SKOR2: variants seen among roughly 807,000 people sequenced by gnomAD.
SKOR2 encodes LBX1 corepressor 1-like protein.
Under a neutral mutation model 69.1 loss-of-function variants are expected in SKOR2, and 47 were observed. That is an observed-to-expected ratio of 0.68 (90% confidence interval 0.54 to 0.87). SKOR2 has a LOEUF of 0.87. SKOR2 is among the 40% of genes least tolerant of loss of function. The pLI, the probability that SKOR2 is intolerant of heterozygous loss-of-function variation, is 0.00. For synonymous variants in SKOR2, 717 were observed against 672.6 expected (o/e 1.07, Z -1.02); for missense variants, 1,404 against 1,472.2 (o/e 0.95, Z 0.76).
At chr18:47,231,911 C>T (rs566042583) in intron 4 of SKOR2, among the ~76,000 whole-genome samples, 27 of 150,436 alleles carry the variant, frequency 1.8e-4, no homozygotes, top group East Asian at 3.9e-4. Context: ...GAGGCTGAGG[C>T]GGGAGGATTG....
chr18:47,212,784 G>A (rs2064131658), intron 7 of SKOR2, among the ~76,000 whole-genome samples: 1 of 152,018 alleles, frequency 6.6e-6, no homozygotes. Context: ...ACCAGCTTGG[G>A]CAACATAGGA....
intron 7 of SKOR2, among the ~76,000 whole-genome samples, chr18:47,215,409 T>C (rs1409465133): frequency 6.6e-6 from 1 of 152,154 alleles, no homozygotes; most frequent in East Asian, 1.9e-4. Flanking sequence ...CTCTGTAGGT[T>C]ATACAGTAGA....
chr18:47,238,320 CTTTTTTTTTTT>C (rs772229985), intron 4 of SKOR2, among the ~76,000 whole-genome samples: 1 of 108,068 alleles, frequency 9.3e-6, no homozygotes, highest in Admixed American at 1.0e-4. Context: ...CTTTTCTTTT[CTTTTTTTTTTT>C]TTTTTTTTTG....
At chr18:47,224,866 T>C (rs537512767) in intron 6 of SKOR2, among the ~76,000 whole-genome samples, 2 of 152,230 alleles carry the variant, frequency 1.3e-5, no homozygotes, top group African/African-American at 4.8e-5. Flanking sequence ...GCAATCCTCC[T>C]GCCTCGACTT....
chr18:47,241,994 T>C (rs760038662), intron 4 of SKOR2, among the ~76,000 whole-genome samples: 3 of 152,200 alleles, frequency 2.0e-5, no homozygotes, highest in Non-Finnish European at 4.4e-5. Flanking sequence ...CTCCAGGCAC[T>C]GTGGAATTTT....
At chr18:47,227,326 AT>A (rs778462203) in intron 6 of SKOR2, among the ~76,000 whole-genome samples, 2,419 of 91,044 alleles carry the variant, frequency 0.027, 16 homozygotes, top group African/African-American at 0.11. Flanking sequence ...CAAGAAGCCA[AT>A]TTTTTTTTTT....
chr18:47,247,646 A>G lies in SKOR2; in HGVS notation c.1538T>C (p.Leu513Pro), dbSNP rs1249852737. 5 of 1,353,150 alleles carry G rather than the reference A, an allele frequency of 3.7e-6. No individual in the cohort carries two copies. The highest frequency in any genetic ancestry group is 2.8e-6 in the Non-Finnish European group (3 of 1,055,802). The allele number at this position is 1,353,150 out of a possible 1,614,324, so 83.8% of individuals were successfully genotyped here. Residue 513 changes from leucine (L) to proline (P), a missense_variant, in exon 2 of 9, where the codon CTG becomes CCG. Transcript: ENST00000425639. This position sits in a 1 kb window ranked among gnomAD's most constrained non-coding sequence, Gnocchi z 6.6. ...CCCAGCAGCACCGCCTGGCTCAGCC[A>G]GGTCCAGGAAGGCCTGGCGCAGCAG... Reference protein sequence around the residue: ...PALLRQAFLDLAEPGGAAGSA... With the variant: ...PALLRQAFLDPAEPGGAAGSA...
Position 47,247,755 on chromosome 18 carries a change from C to A in SKOR2, c.1429G>T (p.Gly477Cys). 7.3e-7 allele frequency: 1 copy of A among 1,377,014 alleles called. No homozygotes were observed. The highest frequency in any genetic ancestry group is 9.3e-7 in the Non-Finnish European group (1 of 1,075,770). The allele number at this position is 1,377,014 out of a possible 1,614,324, so 85.3% of individuals were successfully genotyped here. ...AGGTAGGTGGGCACCGGGAGCCCGC[C>A]AGGGGTCCGCGGCGGCCAGAACATG... ...FCMFWPPRTP[G>C]GLPVPTYLQP... Residue 477 changes from glycine to cysteine, a missense_variant, in exon 2 of 9, where the codon GGC becomes TGC. This residue lies in a region of SKOR2 where 1,266 missense variants were observed against 1,309.9 expected (regional missense o/e 0.97). Transcript: ENST00000425639. The surrounding 1 kb of genome is among the most constrained non-coding windows in gnomAD (Gnocchi z 6.6).
chr18:47,219,764 CTG>C (rs2064155407), intron 7 of SKOR2, among the ~76,000 whole-genome samples, 177 bp downstream of exon 7: 1 of 152,178 alleles, frequency 6.6e-6, no homozygotes, highest in Non-Finnish European at 1.5e-5. Context: ...AGGAAACATA[CTG>C]CCACATCTGT....
chr18:47,249,942 A>G (rs1199918426), intron 1 of SKOR2, among the ~76,000 whole-genome samples: 1 of 152,236 alleles, frequency 6.6e-6, no homozygotes, highest in African/African-American at 2.4e-5. Context: ...TGCTGAACTG[A>G]GTGGTTCTGG....
At chr18:47,244,076 G>A (rs2064260384) in intron 4 of SKOR2, among the ~76,000 whole-genome samples, 1 of 152,142 alleles carries the variant, frequency 6.6e-6, no homozygotes, top group African/African-American at 2.4e-5. Context: ...GTTTCCTTAT[G>A]AGAAAATAAA....
Position 47,247,364 on chromosome 18 carries a change from A to C in SKOR2, c.1820T>G (p.Leu607Arg). 1 of 1,456,328 alleles carries C rather than the reference A, an allele frequency of 6.9e-7. No homozygotes were observed. Among genetic ancestry groups the C allele is most frequent in the Non-Finnish European group, 9.0e-7 (1 of 1,108,986 alleles). The allele number at this position is 1,456,328 out of a possible 1,614,324, so 90.2% of individuals were successfully genotyped here. Residue 607 changes from leucine (L) to arginine (R), a missense_variant, in exon 2 of 9, where the codon CTT becomes CGT. Leu to Arg is a moderately radical substitution (Grantham distance 102). Transcript: ENST00000425639. This position sits in a 1 kb window ranked among gnomAD's most constrained non-coding sequence, Gnocchi z 6.6. ...SRVPAPHHPH[L>R]LEGRKAGGGS... ...ACCGCCCGCTTTGCGCCCCTCCAGA[A>C]GGTGCGGATGGTGGGGCGCCGGAAC...
Position 47,248,932 on chromosome 18 carries a change from G to T in SKOR2, c.252C>A (p.Arg84=). ...NFSYNEIHNR[R]VALGITCVQC... is the part of the protein sequence containing the mutation. Reference sequence around the variant, plus strand: ...GCACACACGTGATGCCCAGTGCCACGCGACGGTTGTGGATCTCGTTGTAGC... The same window carrying T: ...GCACACACGTGATGCCCAGTGCCACTCGACGGTTGTGGATCTCGTTGTAGC... The change falls in exon 2 of 9, where the codon CGC becomes CGA. Residue 84 remains arginine (R), a synonymous_variant. Coordinates refer to ENST00000425639, the MANE Select transcript of SKOR2 (RefSeq NM_001278063.4). This position sits in a 1 kb window ranked among gnomAD's most constrained non-coding sequence, Gnocchi z 6.4. The T allele has an allele frequency of 1.3e-6, 2 of 1,575,634 alleles. No homozygotes were observed. Among genetic ancestry groups the T allele is most frequent in the Non-Finnish European group, 1.7e-6 (2 of 1,168,118 alleles).
At position 47,246,622 on chromosome 18, in the gene SKOR2, C is replaced by T. The variant is rs889064749; in HGVS notation, c.2562G>A (p.Pro854=). 22 of 1,514,970 alleles carry T rather than the reference C, an allele frequency of 1.5e-5. No homozygotes were observed. Among genetic ancestry groups the T allele is most frequent in the Non-Finnish European group, 1.8e-5 (21 of 1,137,050 alleles). The allele number at this position is 1,514,970 out of a possible 1,614,324, so 93.8% of individuals were successfully genotyped here. A position where few individuals can be genotyped will look rare whatever the true frequency, so the allele number is the denominator to read the frequency against. Residue 854 remains proline (P), a synonymous_variant, in exon 2 of 9, where the codon CCG becomes CCA. Coordinates refer to ENST00000425639, the MANE Select transcript of SKOR2 (RefSeq NM_001278063.4). ...QKASGGGSSS[P]GSPVHHPSLE... Reference sequence around the variant, plus strand: ...GTGATGGATGGTGAACTGGGCTGCCCGGGCTGCTGCTGCCGCCGCCACTCG... The same window carrying T: ...GTGATGGATGGTGAACTGGGCTGCCTGGGCTGCTGCTGCCGCCGCCACTCG...
chr18:47,246,882 C>A lies in SKOR2; in HGVS notation c.2302G>T (p.Glu768Ter). 6.7e-7 allele frequency: 1 copy of A among 1,491,100 alleles called. No individual in the cohort carries two copies. Among genetic ancestry groups the A allele is most frequent in the Non-Finnish European group, 8.9e-7 (1 of 1,126,812 alleles). The allele number at this position is 1,491,100 out of a possible 1,614,324, so 92.4% of individuals were successfully genotyped here. ...EEGRDPDDDE[E>*]EDEETEVLLG... ...AGGACCTCCGTCTCCTCGTCCTCTT[C>A]CTCGTCGTCGTCAGGGTCTCGACCT... The change falls in exon 2 of 9, where the codon GAA (glutamate) becomes TAA (stop). Residue 768 changes from glutamate (E) to a stop codon, truncating the protein, a stop_gained. Transcript: ENST00000425639. LOFTEE classifies it high-confidence loss of function.
At chr18:47,249,364 C>T (rs1205504557) in intron 1 of SKOR2, 134 bp from the exon 2 acceptor site, 3 of 877,848 alleles carry the variant, frequency 3.4e-6, no homozygotes, top group Middle Eastern at 3.5e-4. Flanking sequence ...GAAAAAGTGA[C>T]CAAGTTTTGA....
chr18:47,242,524 T>G (rs570121143), intron 4 of SKOR2, among the ~76,000 whole-genome samples: 2 of 152,234 alleles, frequency 1.3e-5, no homozygotes, highest in South Asian at 4.1e-4. Context: ...CATTAAATTA[T>G]CCCATAATTT....
Position 47,247,818 on chromosome 18 carries a change from G to T in SKOR2, c.1366C>A (p.Pro456Thr). The change falls in exon 2 of 9, where the codon CCC becomes ACC. Residue 456 changes from proline (P) to threonine (T), a missense_variant. Around this residue, in one of 3 missense-constraint regions of SKOR2, gnomAD observed 1,266 missense variants for 1,309.9 expected, o/e 0.97. Coordinates refer to ENST00000425639, the MANE Select transcript of SKOR2 (RefSeq NM_001278063.4). The surrounding 1 kb of genome is among the most constrained non-coding windows in gnomAD (Gnocchi z 6.6). ...TAGAAGGCGTCCTTGCGGCCCGCGGGCCAGAAGAGGCCGGACAAGCCGGCC... is the reference window on the plus strand; with the variant it reads ...TAGAAGGCGTCCTTGCGGCCCGCGGTCCAGAAGAGGCCGGACAAGCCGGCC... ...PKAGLSGLFW[P>T]AGRKDAFYPP... 1 of 1,393,930 alleles carries T rather than the reference G, an allele frequency of 7.2e-7. No individual in the cohort carries two copies. Among genetic ancestry groups the T allele is most frequent in the Non-Finnish European group, 9.2e-7 (1 of 1,082,058 alleles). 86.3% of individuals were successfully genotyped at this position (1,393,930 alleles called of 1,614,324 possible). A position where few individuals can be genotyped will look rare whatever the true frequency, so the allele number is the denominator to read the frequency against.
At chr18:47,242,358 G>A (rs887828421) in intron 4 of SKOR2, among the ~76,000 whole-genome samples, 4 of 152,070 alleles carry the variant, frequency 2.6e-5, no homozygotes, top group Admixed American at 2.0e-4. Flanking sequence ...TTGTGGGTAT[G>A]GGTATGCATG....
Sources: allele counts gnomAD v4.1 joint callset (sites outside exome capture counted in the v4.1 genomes callset), GRCh38; gene constraint gnomAD v4.1.1; regional missense constraint gnomAD v4.1.1; non-coding constraint Gnocchi (gnomAD v3.1); transcripts MANE v1.5; gene names NCBI Gene and HGNC (gene_info 2026-07-23, HGNC 2026-07-21).